The following TMEM184A variants were observed in gnomAD, a reference collection of about 807,000 sequenced individuals.
The protein encoded by TMEM184A is transmembrane protein 184A.
Under a neutral mutation model 39.5 loss-of-function variants are expected in TMEM184A, and 40 were observed. The observed-to-expected ratio is 1.01, with a 90% CI of 0.79 to 1.32. The LOEUF is 1.32. TMEM184A is among the 40% of genes most tolerant of loss of function. TMEM184A has a pLI of 0.00. For missense variants in TMEM184A, 603 were observed against 568.8 expected (o/e 1.06, Z -0.61); for synonymous variants, 280 against 252.3 (o/e 1.11, Z -1.04).
At chr7:1,552,777 A>G (rs4285398) in intron 2 of TMEM184A, among the ~76,000 whole-genome samples, 97,756 of 152,066 alleles carry the variant, frequency 0.64, 31,778 homozygotes, top group African/African-American at 0.73. Flanking sequence ...CCTAGGGGCC[A>G]GGCACGGTGG....
At chr7:1,547,701 GCTGTGC>G (rs1784402844) in intron 8 of TMEM184A, 35 bp downstream of exon 8, 1 of 1,568,188 alleles carries the variant, frequency 6.4e-7, no homozygotes, top group African/African-American at 1.3e-5. Flanking sequence ...CCGGGGCAGG[GCTGTGC>G]GCTCCGGGTG....
chr7:1,553,468 C>G (rs547362080), intron 2 of TMEM184A, among the ~76,000 whole-genome samples: 4 of 152,258 alleles, frequency 2.6e-5, no homozygotes, highest in African/African-American at 9.6e-5. Flanking sequence ...TCCATGTTTT[C>G]TGTGAGGATA....
At chr7:1,551,847 G>C (rs1430554035) in intron 2 of TMEM184A, among the ~76,000 whole-genome samples, 1 of 152,056 alleles carries the variant, frequency 6.6e-6, no homozygotes. Flanking sequence ...TGAGGCAGGA[G>C]AATCGCTTGA....
rs1286598864 is a variant in TMEM184A, at chr7:1,546,570, TCTGTCTCCTGA to T, written c.*371_*381del. Reference sequence around the variant, plus strand: ...TGCCCAGCCTGGGATCCGTCCGCTGTCTGTCTCCTGAACCAGGGAGTCTGACCCACTCACAG... The same window carrying T: ...TGCCCAGCCTGGGATCCGTCCGCTGTACCAGGGAGTCTGACCCACTCACAG... On this transcript the variant is annotated 3_prime_UTR_variant, in exon 9 of 9. Transcript: ENST00000297477. 8.5e-5 allele frequency: 16 copies of T among 189,338 alleles called. No individual in the cohort carries two copies. The highest frequency in any genetic ancestry group is 1.8e-3 in the Middle Eastern group (1 of 552). 11.7% of individuals were successfully genotyped at this position (189,338 alleles called of 1,614,324 possible). A position where few individuals can be genotyped will look rare whatever the true frequency, so the allele number is the denominator to read the frequency against.
At position 1,555,308 on chromosome 7, in the gene TMEM184A, C is replaced by G; in HGVS notation, c.177G>C (p.Ser59=). The change falls in exon 2 of 9, where the codon TCG becomes TCC. Residue 59 remains serine (S), a synonymous_variant. Coordinates refer to ENST00000297477, the MANE Select transcript of TMEM184A (RefSeq NM_001097620.2). The surrounding 1 kb of genome is among the most constrained non-coding windows in gnomAD (Gnocchi z 5.2). ...CCAGGGCAGTCCACACGAAGATCCC[C>G]GAGACGCCTCGGGCCAGTGCGGAGG... The part of the protein sequence containing the change: ...FLTSALARGV[S]GIFVWTALVL... 6.2e-7 allele frequency: 1 copy of G among 1,607,458 alleles called. No homozygotes were observed.
chr7:1,548,992 C>G (rs890122113), intron 6 of TMEM184A: 2 of 571,254 alleles, frequency 3.5e-6, no homozygotes, highest in South Asian at 3.1e-5. Flanking sequence ...CTGCCTCTGT[C>G]GGAACGCCAC....
chr7:1,548,052 G>T, intron 7 of TMEM184A, 113 bp from the exon 8 acceptor site: 1 of 1,189,248 alleles, frequency 8.4e-7, no homozygotes, highest in Non-Finnish European at 1.2e-6. Flanking sequence ...CGTCCGTGTA[G>T]TCTCGTCCCA....
rs1012621058 is a variant in TMEM184A, at chr7:1,544,601, A to T, written c.*2351T>A. The T allele has an allele frequency of 1.3e-5, 2 of 152,324 alleles. No homozygotes were observed. Among genetic ancestry groups the T allele is most frequent in the African/African-American group, 4.8e-5 (2 of 41,432 alleles). The allele number at this position is 152,324 out of a possible 1,614,324, so 9.4% of individuals were successfully genotyped here. ...CGAGGCAGGTTGAGCCCCGGCCTGG[A>T]CCGCCCCACGCTGCCTTCCGTCCAC... is the stretch of plus-strand genomic sequence containing the variant. On this transcript the variant is annotated 3_prime_UTR_variant, in exon 9 of 9. Transcript: ENST00000297477.
chr7:1,545,857 C>T lies in TMEM184A; in HGVS notation c.*1095G>A, dbSNP rs1002908430. The T allele has an allele frequency of 6.6e-6, 1 of 152,470 alleles. No homozygotes were observed. Among genetic ancestry groups the T allele is most frequent in the African/African-American group, 2.4e-5 (1 of 41,472 alleles). 9.4% of individuals were successfully genotyped at this position (152,470 alleles called of 1,614,324 possible). ...CCGAGGCTCCTCAAACCCAGGGCCC[C>T]ACCTGGCACGTGGAGGAAGAAGAGA... On this transcript the variant is annotated 3_prime_UTR_variant, in exon 9 of 9. Transcript: ENST00000297477.
intron 2 of TMEM184A, among the ~76,000 whole-genome samples, chr7:1,553,594 G>A (rs1274485257): frequency 6.6e-6 from 1 of 152,024 alleles, no homozygotes; most frequent in Non-Finnish European, 1.5e-5. Context: ...GGCGAGCAGA[G>A]GCTACGTGCA....
At chr7:1,551,089 G>C (rs1583220711) in intron 2 of TMEM184A, 107 bp from the exon 3 acceptor site, 1 of 1,345,472 alleles carries the variant, frequency 7.4e-7, no homozygotes, top group Non-Finnish European at 1.0e-6. Flanking sequence ...GTTTGGGTGA[G>C]AGCCAGGTCC....
rs762105099 is a variant in TMEM184A at position 1,545,811 on chromosome 7, TC to T, written c.*1140del. 8.5e-5 allele frequency: 13 copies of T among 152,436 alleles called. No individual in the cohort carries two copies. The East Asian group carries it at 2.3e-3, about 27-fold the overall frequency. The allele number at this position is 152,436 out of a possible 1,614,324, so 9.4% of individuals were successfully genotyped here. A position where few individuals can be genotyped will look rare whatever the true frequency, so the allele number is the denominator to read the frequency against. The stretch of plus-strand genomic sequence containing the variant: ...CGAGGCCACTTGCACGCCTCCAGCT[TC>T]CTGCGGGCAGGGCACGCGTCCGAGG... On this transcript the variant is annotated 3_prime_UTR_variant, in exon 9 of 9. Transcript: ENST00000297477.
intron 6 of TMEM184A, chr7:1,549,554 G>A (rs755392063): frequency 5.5e-5 from 29 of 531,862 alleles, no homozygotes; most frequent in Middle Eastern, 3.0e-4. Flanking sequence ...CACCCCAGCC[G>A]TGTCCTGTGA....
rs1186561108 is a variant in TMEM184A, at chr7:1,546,882, G to A, written c.*70C>T. 5.5e-6 allele frequency: 6 copies of A among 1,099,746 alleles called. No homozygotes were observed. The East Asian group carries it at 8.0e-5, about 15-fold the overall frequency. The allele number at this position is 1,099,746 out of a possible 1,614,324, so 68.1% of individuals were successfully genotyped here. ...CCACCTTTGGCAGGAGTTGGTGGGT[G>A]GGGGGACCCTGTTCTTCCCCAGAGG... On this transcript the variant is annotated 3_prime_UTR_variant, in exon 9 of 9. Transcript: ENST00000297477.
intron 2 of TMEM184A, among the ~76,000 whole-genome samples, chr7:1,553,135 TA>T (rs935634021): frequency 2.2e-4 from 21 of 96,186 alleles, no homozygotes; most frequent in African/African-American, 6.9e-4. Flanking sequence ...TCCACGTTTT[TA>T]TTTTTTTTAA....
chr7:1,552,406 T>C (rs1562561478), intron 2 of TMEM184A, among the ~76,000 whole-genome samples: 1 of 152,192 alleles, frequency 6.6e-6, no homozygotes, highest in Non-Finnish European at 1.5e-5. Context: ...TCTCCCATAC[T>C]TAGCATTTCT....
At position 1,548,760 on chromosome 7, in the gene TMEM184A, C is replaced by T. The variant is rs376875265; in HGVS notation, c.645-72G>A. On this transcript the variant is annotated intron_variant, in intron 6 of 8. Transcript: ENST00000297477. The stretch of plus-strand genomic sequence containing the variant: ...ACTGTCCCCACCCTAGAGCCACCGC[C>T]GCTGCACCCTCAGCCTGGTCCCCAC... The T allele has an allele frequency of 6.8e-4, 1,045 of 1,537,658 alleles. 11 individuals are homozygous for T. The South Asian group carries it at 0.01, about 15-fold the overall frequency.
intron 3 of TMEM184A, 118 bp from the exon 4 acceptor site, chr7:1,550,513 A>G: frequency 1.2e-6 from 1 of 851,892 alleles, no homozygotes; most frequent in Admixed American, 2.6e-5. Flanking sequence ...CAGGCCACAC[A>G]GCAAGAGGCT....
chr7:1,555,351 G>GCT lies in TMEM184A; in HGVS notation c.133_134insAG (p.Ala45GlufsTer93), dbSNP rs752040152. ...TGCGGAGGTGAGGAAGAGCCAGGGG[G>GCT]CCCCCTGGGAGCTGTTCCCCATGTG... On this transcript the variant is annotated frameshift_variant, in exon 2 of 9. Coordinates refer to ENST00000297477, the MANE Select transcript of TMEM184A (RefSeq NM_001097620.2). LOFTEE classifies it high-confidence loss of function. The surrounding 1 kb of genome is among the most constrained non-coding windows in gnomAD (Gnocchi z 5.2). 5.6e-6 allele frequency: 9 copies of GCT among 1,610,408 alleles called. No individual in the cohort carries two copies. The highest frequency in any genetic ancestry group is 7.6e-6 in the Non-Finnish European group (9 of 1,178,852).
Sources: gnomAD v4.1 joint callset for allele counts (sites outside exome capture counted in the v4.1 genomes callset) on GRCh38, gnomAD v4.1.1 for gene constraint, Gnocchi (gnomAD v3.1) non-coding constraint, MANE v1.5 for transcripts, NCBI Gene and HGNC (gene_info 2026-07-23, HGNC 2026-07-21) for gene names.